SLC28A1: variants seen among roughly 807,000 people sequenced by gnomAD.
SLC28A1 encodes the protein sodium/nucleoside cotransporter 1.
In SLC28A1, 64 loss-of-function variants were observed where a neutral mutation model predicts 74.8. The observed-to-expected ratio is 0.86, with a 90% CI of 0.70 to 1.05. The LOEUF is 1.05. SLC28A1 is among the 50% of genes least tolerant of loss of function. The pLI is 0.00. For synonymous variants in SLC28A1, 359 were observed against 335.0 expected (o/e 1.07, Z -0.78); for missense variants, 828 against 822.8 (o/e 1.01, Z -0.08).
downstream of SLC28A1, among the ~76,000 whole-genome samples, chr15:84,950,327 A>C (rs566789818): frequency 1.3e-5 from 2 of 151,132 alleles, no homozygotes; most frequent in Non-Finnish European, 2.9e-5. Flanking sequence ...CCGTGTAGAA[A>C]GACAGCTGGC....
At chr15:84,899,967 A>AAGGAAGGAAGGAAGGAAAGAAG (rs1567130013) in intron 6 of SLC28A1, among the ~76,000 whole-genome samples, 1 of 54,816 alleles carries the variant, frequency 1.8e-5, no homozygotes, top group Admixed American at 2.6e-4. Flanking sequence ...AAGGAAGGAA[A>AAGGAAGGAAGGAAGGAAAGAAG]GAAGGAAGGA....
chr15:84,966,740 G>A, the SLC28A1 span, among the ~76,000 whole-genome samples: 47 of 152,270 alleles, frequency 3.1e-4, 1 homozygote, highest in East Asian at 8.5e-3. Context: ...CCATCAGATC[G>A]TGTGAGTCTT....
At chr15:84,901,007 A>T (rs1421967210) in intron 6 of SLC28A1, among the ~76,000 whole-genome samples, 1 of 149,378 alleles carries the variant, frequency 6.7e-6, no homozygotes, top group Admixed American at 6.7e-5. Flanking sequence ...GCAGATCACG[A>T]GGTCAAGAGA....
chr15:84,928,602 CTTTTCTTTCTTTCTTTT>C (rs1970876052), intron 12 of SLC28A1, among the ~76,000 whole-genome samples: 1 of 8,318 alleles, frequency 1.2e-4, no homozygotes, highest in Non-Finnish European at 2.2e-4. Context: ...TTCTTTCTTT[CTTTTCTTTCTTTCTTTT>C]CTTTCTTTCT....
At chr15:84,912,175 C>T (rs1036980187) in intron 9 of SLC28A1, among the ~76,000 whole-genome samples, 4 of 152,184 alleles carry the variant, frequency 2.6e-5, no homozygotes, top group Non-Finnish European at 2.9e-5. Flanking sequence ...TTTTATTCAG[C>T]CTCCCCCTCT....
intron 8 of SLC28A1, among the ~76,000 whole-genome samples, chr15:84,906,361 G>T (rs1967107998): frequency 6.6e-6 from 1 of 151,994 alleles, no homozygotes; most frequent in Admixed American, 6.6e-5. Flanking sequence ...TTGACATCCA[G>T]GCTGAGTGCA....
intron 12 of SLC28A1, among the ~76,000 whole-genome samples, chr15:84,926,358 CT>C (rs1459769037): frequency 1.5e-5 from 2 of 134,810 alleles, no homozygotes; most frequent in African/African-American, 5.8e-5. Context: ...GCCACCACCC[CT>C]GGCTATTTTT....
At chr15:84,928,591 T>TTCCTTCC (rs1970853600) in intron 12 of SLC28A1, among the ~76,000 whole-genome samples, 4 of 15,084 alleles carry the variant, frequency 2.7e-4, no homozygotes, top group Admixed American at 5.4e-4. Flanking sequence ...TCTTTCTTTC[T>TTCCTTCC]TTCTTTCTTT....
the SLC28A1 span, chr15:84,961,394 T>C: frequency 2.7e-6 from 1 of 375,138 alleles, no homozygotes; most frequent in South Asian, 2.0e-5. Context: ...TACAGTGATA[T>C]AATCATGGCT....
chr15:84,948,556 G>A (rs1434897727), downstream of SLC28A1, among the ~76,000 whole-genome samples: 1 of 152,168 alleles, frequency 6.6e-6, no homozygotes, highest in Non-Finnish European at 1.5e-5. Flanking sequence ...CAGAAACAGA[G>A]CTGGGAGCTG....
chr15:84,961,568 T>C, the SLC28A1 span: 1 of 450,204 alleles, frequency 2.2e-6, no homozygotes, highest in Non-Finnish European at 4.5e-6. Flanking sequence ...CTTGAACTCC[T>C]GGCCTTAAAT....
the SLC28A1 span, among the ~76,000 whole-genome samples, chr15:84,963,862 G>A: frequency 3.3e-5 from 5 of 152,222 alleles, no homozygotes; most frequent in South Asian, 2.1e-4. Flanking sequence ...CTAGCACAGC[G>A]CCTCCTCTGT....
chr15:84,972,557 A>G, the SLC28A1 span, among the ~76,000 whole-genome samples: 1 of 152,216 alleles, frequency 6.6e-6, no homozygotes, highest in Non-Finnish European at 1.5e-5. Context: ...CATCTTCATC[A>G]TTATCATCAT....
the SLC28A1 span, among the ~76,000 whole-genome samples, chr15:84,965,911 G>GGGGGGGC: frequency 6.9e-5 from 10 of 145,850 alleles, no homozygotes; most frequent in East Asian, 6.1e-4. Context: ...GGAGGGGGGG[G>GGGGGGGC]AAATATTAGG....
intron 5 of SLC28A1, among the ~76,000 whole-genome samples, chr15:84,892,937 C>T (rs115910463): frequency 0.032 from 4,891 of 152,300 alleles, 222 homozygotes; most frequent in African/African-American, 0.1. Flanking sequence ...TCCTGCCCGT[C>T]CCCAAACCAA....
At chr15:84,920,215 G>A (rs1969636959) in intron 10 of SLC28A1, among the ~76,000 whole-genome samples, 1 of 152,336 alleles carries the variant, frequency 6.6e-6, no homozygotes, top group African/African-American at 2.4e-5. Flanking sequence ...GGAGGCCAAG[G>A]CAGACGGATC....
chr15:84,889,402 T>G (rs977258381), intron 4 of SLC28A1, among the ~76,000 whole-genome samples: 10 of 150,642 alleles, frequency 6.6e-5, no homozygotes, highest in Admixed American at 1.3e-4. Context: ...GGGCAGGGGG[T>G]GGTGGTGGGG....
At chr15:84,931,617 A>C (rs1412894633) in intron 12 of SLC28A1, among the ~76,000 whole-genome samples, 1 of 142,468 alleles carries the variant, frequency 7.0e-6, no homozygotes, top group African/African-American at 2.7e-5. Context: ...GCGCCACTAC[A>C]CTCCAGACTG....
At chr15:84,928,280 C>T (rs963966243) in intron 12 of SLC28A1, among the ~76,000 whole-genome samples, 20 of 152,076 alleles carry the variant, frequency 1.3e-4, no homozygotes, top group African/African-American at 4.8e-4. Context: ...CTATAGCTGG[C>T]CCAGAGGAAA....
Sources: allele counts gnomAD v4.1 joint callset (sites outside exome capture counted in the v4.1 genomes callset), GRCh38; gene constraint gnomAD v4.1.1; transcripts MANE v1.5; gene names NCBI Gene and HGNC (gene_info 2026-07-23, HGNC 2026-07-21).